ASAP2: variants seen among roughly 807,000 people sequenced by gnomAD.
ASAP2 encodes the protein arf-GAP with SH3 domain, ANK repeat and PH domain-containing protein 2.
In ASAP2, 45 loss-of-function variants were observed where a neutral mutation model predicts 131.4. That is an observed-to-expected ratio of 0.34 (90% CI 0.27 to 0.44). ASAP2 has a LOEUF of 0.44. ASAP2 is among the 20% of genes least tolerant of loss of function. The pLI is 1.00. For missense variants in ASAP2, 1,011 were observed against 1,297.0 expected, an observed-to-expected ratio of 0.78 and a Z score of 3.39; for synonymous variants, 510 against 503.0, an observed-to-expected ratio of 1.01 and a Z score of -0.19.
chr2:9,220,891 T>G (rs1339729533), intron 1 of ASAP2, among the ~76,000 whole-genome samples: 1 of 152,214 alleles, frequency 6.6e-6, no homozygotes, highest in East Asian at 1.9e-4. Flanking sequence ...CTAGTTGTCC[T>G]GGCACCATTT....
intron 1 of ASAP2, among the ~76,000 whole-genome samples, chr2:9,254,237 A>AAAAAAT (rs1664953950): frequency 2.7e-5 from 1 of 36,688 alleles, no homozygotes; most frequent in Non-Finnish European, 5.9e-5. Flanking sequence ...AAAAAAAAAA[A>AAAAAAT]TATATATATA....
intron 1 of ASAP2, among the ~76,000 whole-genome samples, chr2:9,211,077 C>T (rs568173214): frequency 6.6e-6 from 1 of 151,972 alleles, no homozygotes; most frequent in East Asian, 1.9e-4. Flanking sequence ...ATCACTTGAA[C>T]CCAAGAGGTA....
chr2:9,271,441 A>G (rs546223100), intron 1 of ASAP2: 5 of 1,418,038 alleles, frequency 3.5e-6, no homozygotes, highest in Non-Finnish European at 4.0e-6. Flanking sequence ...AAACTTCTTA[A>G]ACGCCTTCAC....
intron 5 of ASAP2, 46 bp downstream of exon 5, chr2:9,320,383 T>C: frequency 6.7e-7 from 1 of 1,498,148 alleles, no homozygotes; most frequent in Non-Finnish European, 9.2e-7. Context: ...ATTTGGGATT[T>C]CAAATTTAAA....
chr2:9,273,506 G>A (rs62121274), intron 1 of ASAP2, among the ~76,000 whole-genome samples: 15,600 of 152,248 alleles, frequency 0.1, 844 homozygotes, highest in Admixed American at 0.14. Context: ...TGCAGTAGAG[G>A]AAGAGTAATT....
Position 9,232,638 on chromosome 2 carries a change from C to T in ASAP2, c.126+25408C>T, listed in dbSNP as rs1251674599. Among the ~76,000 whole-genome samples, 1 of 152,184 alleles carries T rather than the reference C, an allele frequency of 6.6e-6. No homozygotes were observed. Among genetic ancestry groups the T allele is most frequent in the Non-Finnish European group, 1.5e-5 (1 of 68,032 alleles). The stretch of plus-strand genomic sequence containing the variant: ...TTTTGACTCTTACTTAGTGATGCAT[C>T]CTCAGCACCCAGAATTGCACTGGAC... On this transcript the variant is annotated intron_variant, in intron 1 of 27. Coordinates refer to ENST00000281419, the MANE Select transcript of ASAP2 (RefSeq NM_003887.3). This position sits in a 1 kb window ranked among gnomAD's most constrained non-coding sequence, Gnocchi z 4.1.
intron 3 of ASAP2, among the ~76,000 whole-genome samples, chr2:9,312,864 G>T (rs1353819986): frequency 6.6e-6 from 1 of 152,084 alleles, no homozygotes; most frequent in Non-Finnish European, 1.5e-5. Context: ...TTGCAGCCTG[G>T]CCAACATGAT....
rs1470699021 is a variant in ASAP2 at position 9,405,220 on chromosome 2, A to C, written c.*1893A>C. On this transcript the variant is annotated 3_prime_UTR_variant, in exon 28 of 28. Coordinates refer to ENST00000281419, the MANE Select transcript of ASAP2 (RefSeq NM_003887.3). Reference sequence around the variant, plus strand: ...ACTAATAGTACTCTTACCAGAGGAGAAATTATATTAACGACCCTGCTAATA... The same window carrying C: ...ACTAATAGTACTCTTACCAGAGGAGCAATTATATTAACGACCCTGCTAATA... The C allele has an allele frequency of 6.6e-6, 1 of 152,262 alleles. No individual in the cohort carries two copies. The highest frequency in any genetic ancestry group is 2.4e-5 in the African/African-American group (1 of 41,466). 9.4% of individuals were successfully genotyped at this position (152,262 alleles called of 1,614,324 possible).
chr2:9,326,250 G>A (rs1355074900), intron 6 of ASAP2, among the ~76,000 whole-genome samples: 1 of 152,112 alleles, frequency 6.6e-6, no homozygotes, highest in Non-Finnish European at 1.5e-5. Context: ...AAACAAACAT[G>A]ACTTTAAAAT....
In ASAP2 at chr2:9,389,926, A is replaced by G. The variant is rs1353463343; in HGVS notation, c.2384-1136A>G. Among the ~76,000 whole-genome samples the G allele has an allele frequency of 6.6e-6, 1 of 152,120 alleles. No individual in the cohort carries two copies. Among genetic ancestry groups the G allele is most frequent in the East Asian group, 1.9e-4 (1 of 5,192 alleles). On this transcript the variant is annotated intron_variant, in intron 22 of 27. Coordinates refer to ENST00000281419, the MANE Select transcript of ASAP2 (RefSeq NM_003887.3). The surrounding 1 kb of genome is among the most constrained non-coding windows in gnomAD (Gnocchi z 4.7). The stretch of plus-strand genomic sequence containing the variant: ...GCGGCTTTCTCCCCGCCTCTCCCAG[A>G]TCCTGCAGGCAGGCATCAATTTTCT...
intron 4 of ASAP2, among the ~76,000 whole-genome samples, chr2:9,319,483 C>T (rs2148499851): frequency 6.6e-6 from 1 of 152,342 alleles, no homozygotes; most frequent in East Asian, 1.9e-4. Flanking sequence ...TAGCCCAACT[C>T]ACGGGCGGGA....
chr2:9,393,508 C>G lies in ASAP2; in HGVS notation c.2545C>G (p.Pro849Ala). 6.2e-7 allele frequency: 1 copy of G among 1,607,016 alleles called. No individual in the cohort carries two copies. The change falls in exon 24 of 28, where the codon CCC becomes GCC. Residue 849 changes from proline (P) to alanine (A), a missense_variant. By Grantham distance (27) the Pro-to-Ala change is conservative. Around this residue, in one of 2 missense-constraint regions of ASAP2, gnomAD observed 652 missense variants for 698.9 expected, o/e 0.93. Transcript: ENST00000281419. ...TNPLTPTPPP[P>A]VAKTPSVMEA... ...TCCCCTGACCCCCACGCCGCCCCCA[C>G]CCGTTGCCAAGACGCCCAGCGTAAT...
intron 1 of ASAP2, among the ~76,000 whole-genome samples, chr2:9,266,659 C>G (rs1665969323): frequency 6.6e-6 from 1 of 152,186 alleles, no homozygotes; most frequent in South Asian, 2.1e-4. Context: ...AATGGAATCT[C>G]AGAAAGGAAG....
intron 1 of ASAP2, among the ~76,000 whole-genome samples, chr2:9,221,326 T>TC (rs1039501101): frequency 3.3e-5 from 5 of 149,450 alleles, no homozygotes; most frequent in African/African-American, 1.2e-4. Flanking sequence ...TTCTTTTCTT[T>TC]TTTTTTTTTT....
intron 24 of ASAP2, among the ~76,000 whole-genome samples, chr2:9,395,762 C>T (rs1376303370): frequency 2.0e-5 from 3 of 151,340 alleles, no homozygotes; most frequent in Admixed American, 6.6e-5. Flanking sequence ...TGCCCACCAC[C>T]ACGCCTGGCC....
intron 1 of ASAP2, among the ~76,000 whole-genome samples, chr2:9,241,584 G>T (rs1462770703): frequency 6.6e-6 from 1 of 152,164 alleles, no homozygotes; most frequent in Admixed American, 6.5e-5. Flanking sequence ...TTTTACCCAG[G>T]CATGGTGGCG....
chr2:9,304,713 G>T (rs1668724905), intron 3 of ASAP2, among the ~76,000 whole-genome samples: 2 of 150,180 alleles, frequency 1.3e-5, no homozygotes, highest in Non-Finnish European at 1.5e-5. Flanking sequence ...GATATTGGTG[G>T]AGGGGCTGGA....
intron 15 of ASAP2, among the ~76,000 whole-genome samples, chr2:9,362,372 G>A (rs1404485462): frequency 1.3e-5 from 2 of 152,134 alleles, no homozygotes; most frequent in Non-Finnish European, 2.9e-5. Flanking sequence ...GTTTCAGGGT[G>A]ACATGCTGTG....
chr2:9,371,745 A>G (rs984811122), intron 16 of ASAP2, among the ~76,000 whole-genome samples: 2 of 152,114 alleles, frequency 1.3e-5, no homozygotes, highest in Non-Finnish European at 2.9e-5. Flanking sequence ...GTCCTTGAGA[A>G]GTGTAAGGAG....
Sources: allele counts gnomAD v4.1 joint callset (sites outside exome capture counted in the v4.1 genomes callset), GRCh38; gene constraint gnomAD v4.1.1; regional missense constraint gnomAD v4.1.1; non-coding constraint Gnocchi (gnomAD v3.1); transcripts MANE v1.5; gene names NCBI Gene and HGNC (gene_info 2026-07-23, HGNC 2026-07-21).